DAZAP1: variants seen among roughly 807,000 people sequenced by gnomAD.
The protein encoded by DAZAP1 is DAZ associated protein 1, also known as DAZ-associated protein 1.
DAZAP1 carries 6 observed loss-of-function variants against 60.1 expected under a neutral mutation model. The observed-to-expected ratio is 0.10, with a 90% CI of 0.05 to 0.20. The LOEUF (loss-of-function observed/expected upper bound fraction) is 0.20, where lower values mean the gene tolerates loss of function less well. Ranked by LOEUF, DAZAP1 falls within the 10% of genes least tolerant of loss-of-function variation. The pLI is 1.00. For synonymous variants in DAZAP1, 235 were observed against 215.9 expected (o/e 1.09, Z -0.78); for missense variants, 366 against 560.4 (o/e 0.65, Z 3.50).
rs763439258 is a variant in DAZAP1 at position 1,430,254 on chromosome 19, G to C, written c.763G>C (p.Ala255Pro). Reference protein sequence around the residue: ...GYGPPPAGRGAPPPPPPFTSY... With the variant: ...GYGPPPAGRGPPPPPPPFTSY... ...TGGACCGCCCCCTGCAGGAAGAGGA[G>C]CCCCCCCGCCACCCCCACCGTTCAC... Residue 255 changes from alanine (A) to proline (P), a missense_variant, in exon 10 of 12, where the codon GCC becomes CCC. By Grantham distance (27) the Ala-to-Pro change is conservative (BLOSUM62 -1). Around this residue, in one of 3 missense-constraint regions of DAZAP1, gnomAD observed 240 missense variants for 308.8 expected, o/e 0.78. Transcript: ENST00000233078. 1 of 1,295,270 alleles carries C rather than the reference G, an allele frequency of 7.7e-7. No individual in the cohort carries two copies. The highest frequency in any genetic ancestry group is 1.5e-5 in the African/African-American group (1 of 67,696). The allele number at this position is 1,295,270 out of a possible 1,614,324, so 80.2% of individuals were successfully genotyped here. A position where few individuals can be genotyped will look rare whatever the true frequency, so the allele number is the denominator to read the frequency against.
rs1362926191 is a variant in DAZAP1 at position 1,428,933 on chromosome 19, A to G, written c.638A>G (p.Asn213Ser). 2 of 1,612,442 alleles carry G rather than the reference A, an allele frequency of 1.2e-6. No individual in the cohort carries two copies. The highest frequency in any genetic ancestry group is 2.2e-5 in the East Asian group (1 of 44,844). ...CAGTGGGGGAGCCGGGTTGTGCCCA[A>G]CGCTGCCAATGGCTGGGCAGGCCAG... Reference protein sequence around the residue: ...ASQWGSRVVPNAANGWAGQPP... With the variant: ...ASQWGSRVVPSAANGWAGQPP... Residue 213 changes from asparagine (N) to serine (S), a missense_variant, in exon 8 of 12, where the codon AAC (asparagine) becomes AGC (serine). Asn to Ser is a conservative substitution (Grantham distance 46). This residue lies in a region of DAZAP1 where 240 missense variants were observed against 308.8 expected (regional missense o/e 0.78). Transcript: ENST00000233078. This position sits in a 1 kb window ranked among gnomAD's most constrained non-coding sequence, Gnocchi z 4.0.
chr19:1,418,412 CCT>C lies in DAZAP1; in HGVS notation c.237+43_237+44del. 2 of 1,600,162 alleles carry C rather than the reference CCT, an allele frequency of 1.2e-6. No individual in the cohort carries two copies. Among genetic ancestry groups the C allele is most frequent in the South Asian group, 1.1e-5 (1 of 90,460 alleles). Reference sequence around the variant, plus strand: ...GAGCTCACACCCGCTCTCTGTCTCCCCTGTCCTTCCTCTGCTTCATTTTTTCC... The same window carrying C: ...GAGCTCACACCCGCTCTCTGTCTCCCGTCCTTCCTCTGCTTCATTTTTTCC... On this transcript the variant is annotated intron_variant, in intron 3 of 11. Transcript: ENST00000233078. The surrounding 1 kb of genome is among the most constrained non-coding windows in gnomAD (Gnocchi z 5.7).
In DAZAP1 at chr19:1,433,393, A is replaced by G; in HGVS notation, c.1048+703A>G. On this transcript the variant is annotated intron_variant, in intron 11 of 11. Coordinates refer to ENST00000233078, the MANE Select transcript of DAZAP1 (RefSeq NM_018959.4). The surrounding 1 kb of genome is among the most constrained non-coding windows in gnomAD (Gnocchi z 6.1). ...CCTCCAGCACCAGGGGTCATTCACA[A>G]GCAGGGTTTGAGAACATGGGGCACC... 1 of 317,674 alleles carries G rather than the reference A, an allele frequency of 3.1e-6. No homozygotes were observed. Among genetic ancestry groups the G allele is most frequent in the Admixed American group, 4.5e-5 (1 of 22,226 alleles). 19.7% of individuals were successfully genotyped at this position (317,674 alleles called of 1,614,324 possible).
intron 1 of DAZAP1, among the ~76,000 whole-genome samples, chr19:1,412,221 A>G (rs1159302116): frequency 6.6e-6 from 1 of 152,096 alleles, no homozygotes; most frequent in Non-Finnish European, 1.5e-5. Flanking sequence ...GAGGGGGGGC[A>G]TCTGACCCTG....
intron 10 of DAZAP1, among the ~76,000 whole-genome samples, chr19:1,431,137 G>GT (rs978810273): frequency 6.9e-5 from 10 of 144,230 alleles, no homozygotes; most frequent in South Asian, 4.4e-4. Flanking sequence ...TTTATTTATG[G>GT]TTTTTTTTTG....
intron 1 of DAZAP1, 42 bp from the exon 2 acceptor site, chr19:1,417,458 G>A (rs755117465): frequency 8.2e-6 from 13 of 1,579,358 alleles, no homozygotes; most frequent in South Asian, 7.0e-5. Context: ...TTTCTAAGGC[G>A]AGCGCTGTCT....
chr19:1,433,530 T>G lies in DAZAP1; in HGVS notation c.1048+840T>G. On this transcript the variant is annotated intron_variant, in intron 11 of 11. Coordinates refer to ENST00000233078, the MANE Select transcript of DAZAP1 (RefSeq NM_018959.4). The surrounding 1 kb of genome is among the most constrained non-coding windows in gnomAD (Gnocchi z 6.1). ...CGGCCGAGGTGCCCGCCCACCCACC[T>G]CGCATGGCTGTGGTTCCCCTGCCCC... 4.8e-6 allele frequency: 2 copies of G among 417,998 alleles called. No individual in the cohort carries two copies. Among genetic ancestry groups the G allele is most frequent in the South Asian group, 4.2e-5 (2 of 47,336 alleles). 25.9% of individuals were successfully genotyped at this position (417,998 alleles called of 1,614,324 possible).
chr19:1,431,350 C>T (rs975484236), intron 10 of DAZAP1, among the ~76,000 whole-genome samples: 1 of 150,844 alleles, frequency 6.6e-6, no homozygotes, highest in Non-Finnish European at 1.5e-5. Context: ...AGGATGGTCT[C>T]GATCTCCTGA....
chr19:1,421,829 G>A (rs543689941), intron 5 of DAZAP1, among the ~76,000 whole-genome samples: 1 of 152,322 alleles, frequency 6.6e-6, no homozygotes, highest in South Asian at 2.1e-4. Context: ...TACTGCGCAC[G>A]TTCATCAGGT....
rs890267854 is a variant in DAZAP1 at position 1,422,200 on chromosome 19, C to T, written c.415-148C>T. Reference sequence around the variant, plus strand: ...CAGCCTTTCTCAGACAGCAGCCCCACGGAGCAGCTGTTGCCCGTGCACCTC... The same window carrying T: ...CAGCCTTTCTCAGACAGCAGCCCCATGGAGCAGCTGTTGCCCGTGCACCTC... On this transcript the variant is annotated intron_variant, in intron 5 of 11. Transcript: ENST00000233078. The surrounding 1 kb of genome is among the most constrained non-coding windows in gnomAD (Gnocchi z 4.5). 22 of 674,760 alleles carry T rather than the reference C, an allele frequency of 3.3e-5. No individual in the cohort carries two copies. Among genetic ancestry groups the T allele is most frequent in the African/African-American group, 1.6e-4 (9 of 54,728 alleles). The allele number at this position is 674,760 out of a possible 1,614,324, so 41.8% of individuals were successfully genotyped here. A position where few individuals can be genotyped will look rare whatever the true frequency, so the allele number is the denominator to read the frequency against.
rs770555963 is a variant in DAZAP1 at position 1,423,158 on chromosome 19, G to A, written c.463+762G>A. 2.0e-5 allele frequency among the ~76,000 whole-genome samples: 3 copies of A among 152,212 alleles called. No individual in the cohort carries two copies. Among genetic ancestry groups the A allele is most frequent in the Non-Finnish European group, 4.4e-5 (3 of 68,046 alleles). ...GCCCCCGCACCACCGGCCCAGGTCA[G>A]TCGGGGCAGCCCCGAGCGCCAGGTG... On this transcript the variant is annotated intron_variant, in intron 6 of 11. Coordinates refer to ENST00000233078, the MANE Select transcript of DAZAP1 (RefSeq NM_018959.4). The surrounding 1 kb of genome is among the most constrained non-coding windows in gnomAD (Gnocchi z 6.8).
intron 1 of DAZAP1, among the ~76,000 whole-genome samples, chr19:1,409,246 T>A (rs1270343121): frequency 6.6e-6 from 1 of 152,176 alleles, no homozygotes; most frequent in Non-Finnish European, 1.5e-5. Context: ...CCATGGGGGA[T>A]GGAGCCATCG....
Position 1,418,073 on chromosome 19 carries a change from C to A in DAZAP1, c.71-131C>A. 2.2e-6 allele frequency: 2 copies of A among 894,338 alleles called. No homozygotes were observed. The highest frequency in any genetic ancestry group is 3.4e-6 in the Non-Finnish European group (2 of 579,764). 55.4% of individuals were successfully genotyped at this position (894,338 alleles called of 1,614,324 possible). ...TTCCCCAGCGCTTCCCGTACACCCCCCACCCCCAGTGCAGCATCGCTCGGT... is the reference window on the plus strand; with the variant it reads ...TTCCCCAGCGCTTCCCGTACACCCCACACCCCCAGTGCAGCATCGCTCGGT... On this transcript the variant is annotated intron_variant, in intron 2 of 11. Coordinates refer to ENST00000233078, the MANE Select transcript of DAZAP1 (RefSeq NM_018959.4). The surrounding 1 kb of genome is among the most constrained non-coding windows in gnomAD (Gnocchi z 5.7).
chr19:1,430,257 C>T lies in DAZAP1; in HGVS notation c.766C>T (p.Pro256Ser). Residue 256 changes from proline (P) to serine (S), a missense_variant, in exon 10 of 12, where the codon CCC becomes TCC. Pro to Ser is a moderately conservative substitution (Grantham distance 74). Around this residue, in one of 3 missense-constraint regions of DAZAP1, gnomAD observed 240 missense variants for 308.8 expected, o/e 0.78. Coordinates refer to ENST00000233078, the MANE Select transcript of DAZAP1 (RefSeq NM_018959.4). ...YGPPPAGRGA[P>S]PPPPPFTSYI... ...ACCGCCCCCTGCAGGAAGAGGAGCC[C>T]CCCCGCCACCCCCACCGTTCACCTC... 1.7e-6 allele frequency: 2 copies of T among 1,197,888 alleles called. No homozygotes were observed. Among genetic ancestry groups the T allele is most frequent in the Non-Finnish European group, 2.4e-6 (2 of 833,852 alleles). 74.2% of individuals were successfully genotyped at this position (1,197,888 alleles called of 1,614,324 possible).
chr19:1,429,860 G>A, intron 8 of DAZAP1, 107 bp from the exon 9 acceptor site: 2 of 1,378,834 alleles, frequency 1.5e-6, no homozygotes, highest in Non-Finnish European at 2.0e-6. Flanking sequence ...AGCACAGGAG[G>A]CTCCGGGGTT....
At chr19:1,429,064 G>C (rs2083375451) in intron 8 of DAZAP1, 69 bp downstream of exon 8, 1 of 1,471,232 alleles carries the variant, frequency 6.8e-7, no homozygotes, top group East Asian at 2.5e-5. Flanking sequence ...GCCCTGGGCT[G>C]TGCCGTCGCT....
chr19:1,414,862 CACCCCTGCTGG>C (rs1490705898), intron 1 of DAZAP1, among the ~76,000 whole-genome samples: 1 of 150,190 alleles, frequency 6.7e-6, no homozygotes, highest in Admixed American at 6.6e-5. Flanking sequence ...AGATCTCTGT[CACCCCTGCTGG>C]AGTGCAGTGA....
chr19:1,431,092 G>C (rs1356498009), intron 10 of DAZAP1, among the ~76,000 whole-genome samples: 2 of 151,644 alleles, frequency 1.3e-5, no homozygotes, highest in African/African-American at 2.4e-5. Flanking sequence ...TGTAAGATCA[G>C]CCGACACACC....
Position 1,418,863 on chromosome 19 carries a change from C to A in DAZAP1, c.303+132C>A. 1.2e-6 allele frequency: 1 copy of A among 861,280 alleles called. No individual in the cohort carries two copies. The highest frequency in any genetic ancestry group is 1.8e-6 in the Non-Finnish European group (1 of 556,676). The allele number at this position is 861,280 out of a possible 1,614,324, so 53.4% of individuals were successfully genotyped here. A position where few individuals can be genotyped will look rare whatever the true frequency, so the allele number is the denominator to read the frequency against. ...CAGGTCTTCTGGGTTGGCACTCGAG[C>A]AGCTGAGGATCACCCAGATTTATCA... On this transcript the variant is annotated intron_variant, in intron 4 of 11. Coordinates refer to ENST00000233078, the MANE Select transcript of DAZAP1 (RefSeq NM_018959.4). This position sits in a 1 kb window ranked among gnomAD's most constrained non-coding sequence, Gnocchi z 5.7.
Sources: allele counts gnomAD v4.1 joint callset (sites outside exome capture counted in the v4.1 genomes callset), GRCh38; gene constraint gnomAD v4.1.1; regional missense constraint gnomAD v4.1.1; non-coding constraint Gnocchi (gnomAD v3.1); transcripts MANE v1.5; gene names NCBI Gene and HGNC (gene_info 2026-07-23, HGNC 2026-07-21).